Variants in MGME1 observed in about 807,000 individuals in gnomAD.
MGME1 encodes chromosome 20 open reading frame 72.
MGME1 carries 22 observed loss-of-function variants against 33.0 expected under a neutral mutation model. That is an observed-to-expected ratio of 0.67 (90% CI 0.48 to 0.95). MGME1 has a LOEUF of 0.95. Among genes scored for constraint, MGME1 ranks in the 40% least tolerant of loss-of-function variants. MGME1 has a pLI of 0.00. For synonymous variants in MGME1, 133 were observed against 144.0 expected, an observed-to-expected ratio of 0.92 and a Z score of 0.55; for missense variants, 383 against 397.8, an observed-to-expected ratio of 0.96 and a Z score of 0.32.
chr20:17,975,376 G>A (rs1345085399), intron 2 of MGME1, among the ~76,000 whole-genome samples: 1 of 151,898 alleles, frequency 6.6e-6, no homozygotes, highest in Non-Finnish European at 1.5e-5. Flanking sequence ...CACCAATATG[G>A]TGAAACCCCA....
intron 3 of MGME1, among the ~76,000 whole-genome samples, chr20:17,981,192 C>T (rs2036009697): frequency 6.6e-6 from 1 of 152,094 alleles, no homozygotes; most frequent in Non-Finnish European, 1.5e-5. Context: ...ATGTATAATA[C>T]ACATGCATAG....
rs1555791107 is a variant in MGME1 at position 17,983,267 on chromosome 20, T to TTGTGTGTGTGTGTGTGTG, written c.732-4881_732-4864dup. Among the ~76,000 whole-genome samples, 405 of 142,678 alleles carry TTGTGTGTGTGTGTGTGTG rather than the reference T, an allele frequency of 2.8e-3. 9 individuals are homozygous for TTGTGTGTGTGTGTGTGTG. Among genetic ancestry groups the TTGTGTGTGTGTGTGTGTG allele is most frequent in the African/African-American group, 9.2e-3 (350 of 38,212 alleles). The allele number at this position is 142,678 out of a possible 152,430, so 93.6% of individuals were successfully genotyped here. On this transcript the variant is annotated intron_variant, in intron 3 of 4. Coordinates refer to ENST00000377710, the MANE Select transcript of MGME1 (RefSeq NM_052865.4). ...TTTTTAAAGGCTATGTAGTGTTCTA[T>TTGTGTGTGTGTGTGTGTG]TGTGTGTGTGTGTGTGTGTGTGTGT...
rs34206000 is a variant in MGME1, at chr20:17,974,061, G to GTT, written c.512-1601_512-1600dup. Among the ~76,000 whole-genome samples, 812 of 85,414 alleles carry GTT rather than the reference G, an allele frequency of 9.5e-3. 4 individuals carry two copies. The highest frequency in any genetic ancestry group is 0.013 in the African/African-American group (333 of 25,056). The allele number at this position is 85,414 out of a possible 152,430, so 56.0% of individuals were successfully genotyped here. ...TTGTGTTTGTTGAGTCTCTTTGTGT[G>GTT]TTTTTTTTTTTTTTTTTTTTTTTGA... On this transcript the variant is annotated intron_variant, in intron 2 of 4. Transcript: ENST00000377710.
At chr20:17,972,670 T>A in intron 2 of MGME1, 1 of 985,340 alleles carries the variant, frequency 1.0e-6, no homozygotes. Context: ...ATGTTGAATG[T>A]TCTGAGCCTT....
At chr20:17,968,766 C>G (rs569421658), upstream of MGME1, 1 of 348,596 alleles carries the variant, frequency 2.9e-6, no homozygotes, top group Non-Finnish European at 5.3e-6. Flanking sequence ...GCAACGGACA[C>G]TCTCCCAGCA....
rs1002324389 is a variant in MGME1 at position 17,972,871 on chromosome 20, C to T, written c.511+2501C>T. ...ACCTAGTGTGTAGATGAATGCTATA[C>T]ACTTCTTTTTCCTAGGCTTTAATTC... is the stretch of plus-strand genomic sequence containing the variant. On this transcript the variant is annotated intron_variant, in intron 2 of 4. Transcript: ENST00000377710. 5.7e-6 allele frequency: 4 copies of T among 706,298 alleles called. No individual in the cohort carries two copies. In the African/African-American group the frequency reaches 5.8e-5, roughly 10 times the overall value. The allele number at this position is 706,298 out of a possible 1,614,324, so 43.8% of individuals were successfully genotyped here.
At chr20:17,978,165 A>G (rs948519005) in intron 3 of MGME1, among the ~76,000 whole-genome samples, 1 of 152,142 alleles carries the variant, frequency 6.6e-6, no homozygotes, top group Non-Finnish European at 1.5e-5. Context: ...GGCACCCTTG[A>G]TAGTCTGAAA....
intron 2 of MGME1, among the ~76,000 whole-genome samples, chr20:17,974,834 T>C (rs937817203): frequency 7.9e-5 from 12 of 152,170 alleles, no homozygotes; most frequent in African/African-American, 2.9e-4. Flanking sequence ...ATTTTCCTCT[T>C]CCTCCCCCTC....
intron 3 of MGME1, among the ~76,000 whole-genome samples, chr20:17,984,368 C>T (rs1346598790): frequency 6.6e-6 from 1 of 152,126 alleles, no homozygotes; most frequent in Non-Finnish European, 1.5e-5. Flanking sequence ...TACATGTAAA[C>T]AGTGGTCCCA....
intron 3 of MGME1, among the ~76,000 whole-genome samples, chr20:17,981,808 C>T (rs1241991228): frequency 6.6e-6 from 1 of 151,806 alleles, no homozygotes; most frequent in Non-Finnish European, 1.5e-5. Flanking sequence ...ATTACAGGTG[C>T]CTGGCTAATT....
At position 17,990,415 on chromosome 20, in the gene MGME1, G is replaced by GGC; in HGVS notation, c.*307_*308insCG. 2.9e-6 allele frequency: 1 copy of GGC among 350,328 alleles called. No individual in the cohort carries two copies. Among genetic ancestry groups the GGC allele is most frequent in the Non-Finnish European group, 5.3e-6 (1 of 190,106 alleles). The allele number at this position is 350,328 out of a possible 1,614,324, so 21.7% of individuals were successfully genotyped here. ...TGTACTCCCTTGAGGGACATTGGGG[G>GGC]GGGGGGGGCGTGGTCCCAGGCAGGA... On this transcript the variant is annotated 3_prime_UTR_variant, in exon 5 of 5. Transcript: ENST00000377710.
intron 3 of MGME1, among the ~76,000 whole-genome samples, chr20:17,977,034 G>A (rs2035887282): frequency 6.6e-6 from 1 of 151,932 alleles, no homozygotes; most frequent in Non-Finnish European, 1.5e-5. Flanking sequence ...ACAGGAAAGG[G>A]GTCCTGATCC....
chr20:17,968,603 G>A (rs1009509093), upstream of MGME1: 122 of 634,362 alleles, frequency 1.9e-4, no homozygotes, highest in African/African-American at 2.1e-3. Context: ...TGCCCCGGGA[G>A]CAGGCGAGCA....
chr20:17,974,108 A>T (rs1231325604), intron 2 of MGME1, among the ~76,000 whole-genome samples: 2 of 115,740 alleles, frequency 1.7e-5, no homozygotes, highest in Non-Finnish European at 3.2e-5. Flanking sequence ...TCTGTCACCC[A>T]GGCTGGAGTG....
At chr20:17,972,798 T>C (rs2035763202) in intron 2 of MGME1, 1 of 984,914 alleles carries the variant, frequency 1.0e-6, no homozygotes, top group African/African-American at 1.7e-5. Flanking sequence ...TGGCATTTGC[T>C]AAGTTTTTTT....
intron 3 of MGME1, among the ~76,000 whole-genome samples, chr20:17,985,499 CG>C (rs1243003166): frequency 1.3e-5 from 2 of 152,024 alleles, no homozygotes; most frequent in Non-Finnish European, 2.9e-5. Context: ...GAAAGAAAAA[CG>C]TTTTTTATAA....
rs553399027 is a variant in MGME1 at position 17,990,973 on chromosome 20, A to G, written c.*864A>G. On this transcript the variant is annotated 3_prime_UTR_variant, in exon 5 of 5. Transcript: ENST00000377710. ...CTGGGTTTGGGAAACTTAAATGCCCATTACAGCCCTGGGGAAGGGTTTTCT... is the reference window on the plus strand; with the variant it reads ...CTGGGTTTGGGAAACTTAAATGCCCGTTACAGCCCTGGGGAAGGGTTTTCT... 6.6e-6 allele frequency: 1 copy of G among 152,298 alleles called. No homozygotes were observed. Among genetic ancestry groups the G allele is most frequent in the African/African-American group, 2.4e-5 (1 of 41,562 alleles). 9.4% of individuals were successfully genotyped at this position (152,298 alleles called of 1,614,324 possible).
At chr20:17,979,314 A>G (rs961680872) in intron 3 of MGME1, among the ~76,000 whole-genome samples, 1 of 152,144 alleles carries the variant, frequency 6.6e-6, no homozygotes, top group African/African-American at 2.4e-5. Context: ...CCTGAACTCA[A>G]GCAAGCTGCC....
chr20:17,978,225 A>G (rs921196312), intron 3 of MGME1, among the ~76,000 whole-genome samples: 5 of 152,010 alleles, frequency 3.3e-5, no homozygotes, highest in Admixed American at 2.0e-4. Context: ...TATTTTTGAG[A>G]CGGAGTTTCA....
Sources: allele counts gnomAD v4.1 joint callset (sites outside exome capture counted in the v4.1 genomes callset), GRCh38; gene constraint gnomAD v4.1.1; transcripts MANE v1.5; gene names NCBI Gene and HGNC (gene_info 2026-07-23, HGNC 2026-07-21).